The following FBXL7 variants were observed in gnomAD, a reference collection of about 807,000 sequenced individuals.
The protein encoded by FBXL7 is F-box/LRR-repeat protein 7.
In FBXL7, 12 loss-of-function variants were observed where a neutral mutation model predicts 38.3. That is an observed-to-expected ratio of 0.31 (90% CI 0.20 to 0.51). The LOEUF is 0.51. Among genes scored for constraint, FBXL7 ranks in the 20% least tolerant of loss-of-function variants. FBXL7 has a pLI of 0.98. For missense variants in FBXL7, 567 were observed against 676.4 expected, an observed-to-expected ratio of 0.84 and a Z score of 1.79; for synonymous variants, 297 against 300.9, an observed-to-expected ratio of 0.99 and a Z score of 0.13.
At chr5:15,567,240 TGAAG>T (rs1372892727) in intron 1 of FBXL7, among the ~76,000 whole-genome samples, 1 of 152,202 alleles carries the variant, frequency 6.6e-6, no homozygotes, top group African/African-American at 2.4e-5. Flanking sequence ...ATGTGTAAGA[TGAAG>T]GGAGTTATTT....
intron 2 of FBXL7, among the ~76,000 whole-genome samples, chr5:15,782,251 A>G (rs1737016424): frequency 6.6e-6 from 1 of 152,068 alleles, no homozygotes; most frequent in South Asian, 2.1e-4. Flanking sequence ...GGTTTTTTCC[A>G]AGTCTTTGCT....
At position 15,938,902 on chromosome 5, in the gene FBXL7, C is replaced by A; in HGVS notation, c.*1716C>A. 5.0e-6 allele frequency: 2 copies of A among 398,710 alleles called. No individual in the cohort carries two copies. The highest frequency in any genetic ancestry group is 8.8e-5 in the Admixed American group (2 of 22,730). The allele number at this position is 398,710 out of a possible 1,614,324, so 24.7% of individuals were successfully genotyped here. ...TTTCCCAGATTATTCTCTAGCCAAG[C>A]CCCACCTTTGTTACGTTGAAATCCC... On this transcript the variant is annotated 3_prime_UTR_variant, in exon 4 of 4. Coordinates refer to ENST00000504595, the MANE Select transcript of FBXL7 (RefSeq NM_012304.5).
intron 2 of FBXL7, among the ~76,000 whole-genome samples, chr5:15,658,738 C>T (rs1452261623): frequency 2.0e-5 from 3 of 152,032 alleles, no homozygotes; most frequent in Non-Finnish European, 4.4e-5. Context: ...GTAATCAGAA[C>T]GGAACAGAAC....
chr5:15,523,226 G>A (rs1737149793), intron 1 of FBXL7, among the ~76,000 whole-genome samples: 1 of 152,304 alleles, frequency 6.6e-6, no homozygotes, highest in East Asian at 1.9e-4. Context: ...GCTTTAACAA[G>A]AGACCATAGA....
chr5:15,807,715 A>C (rs1737750785), intron 2 of FBXL7, among the ~76,000 whole-genome samples: 1 of 150,462 alleles, frequency 6.6e-6, no homozygotes. Context: ...GGAAGTTATT[A>C]TACATTGAAC....
chr5:15,615,835 G>GC (rs1220102772), intron 1 of FBXL7, 148 bp from the exon 2 acceptor site: 2 of 511,600 alleles, frequency 3.9e-6, no homozygotes, highest in African/African-American at 3.9e-5. Flanking sequence ...AATGCATAAG[G>GC]CAAAAAAAAA....
chr5:15,629,292 A>G (rs1416294636), intron 2 of FBXL7, among the ~76,000 whole-genome samples: 2 of 152,042 alleles, frequency 1.3e-5, no homozygotes, highest in Admixed American at 6.6e-5. Flanking sequence ...ACGGAAATAT[A>G]CTTGAGACAC....
chr5:15,706,231 C>T (rs2126637698), intron 2 of FBXL7, among the ~76,000 whole-genome samples: 1 of 152,278 alleles, frequency 6.6e-6, no homozygotes, highest in Non-Finnish European at 1.5e-5. Flanking sequence ...TCCTTCATGG[C>T]TTGGTGTTGT....
intron 2 of FBXL7, among the ~76,000 whole-genome samples, chr5:15,736,207 TTC>T (rs1735744079): frequency 6.6e-6 from 1 of 152,220 alleles, no homozygotes; most frequent in Non-Finnish European, 1.5e-5. Flanking sequence ...CTCCAATTTA[TTC>T]TATTTATAAA....
intron 2 of FBXL7, among the ~76,000 whole-genome samples, chr5:15,916,233 C>T (rs146786165): frequency 1.2e-4 from 18 of 152,212 alleles, no homozygotes; most frequent in African/African-American, 4.3e-4. Flanking sequence ...GTGGCTAGTG[C>T]ACCTGAGGAC....
intron 1 of FBXL7, among the ~76,000 whole-genome samples, chr5:15,540,512 G>A (rs1362606528): frequency 6.6e-6 from 1 of 151,954 alleles, no homozygotes; most frequent in Non-Finnish European, 1.5e-5. Context: ...CTAAGCTTGG[G>A]GTAAAATTCT....
chr5:15,903,388 A>G (rs1277420779), intron 2 of FBXL7, among the ~76,000 whole-genome samples: 2 of 152,172 alleles, frequency 1.3e-5, no homozygotes, highest in Non-Finnish European at 2.9e-5. Flanking sequence ...CACCCTCTGC[A>G]TTGACATGGT....
intron 2 of FBXL7, among the ~76,000 whole-genome samples, chr5:15,616,914 A>G (rs1457627758): frequency 6.6e-6 from 1 of 152,220 alleles, no homozygotes; most frequent in Non-Finnish European, 1.5e-5. Context: ...AATTTTCATG[A>G]CATTGTGTAG....
At chr5:15,537,848 G>A (rs564010570) in intron 1 of FBXL7, among the ~76,000 whole-genome samples, 3 of 152,326 alleles carry the variant, frequency 2.0e-5, no homozygotes, top group East Asian at 3.9e-4. Context: ...GGTTTGACCA[G>A]CTCTTGTCAG....
At chr5:15,722,126 C>G (rs1046255957) in intron 2 of FBXL7, among the ~76,000 whole-genome samples, 1 of 152,222 alleles carries the variant, frequency 6.6e-6, no homozygotes, top group Non-Finnish European at 1.5e-5. Flanking sequence ...AGCCATCACG[C>G]CCGGCCAAGA....
chr5:15,615,170 G>A (rs1250254221), intron 1 of FBXL7, among the ~76,000 whole-genome samples: 1 of 152,134 alleles, frequency 6.6e-6, no homozygotes, highest in Non-Finnish European at 1.5e-5. Context: ...AGAATGTTTG[G>A]TAATATTAAT....
chr5:15,661,795 T>C (rs949072971), intron 2 of FBXL7, among the ~76,000 whole-genome samples: 6 of 152,188 alleles, frequency 3.9e-5, no homozygotes, highest in Admixed American at 2.6e-4. Flanking sequence ...GGATTTCTGT[T>C]CCTTCATTAG....
chr5:15,913,415 T>C (rs1741496067), intron 2 of FBXL7, among the ~76,000 whole-genome samples: 1 of 152,234 alleles, frequency 6.6e-6, no homozygotes, highest in South Asian at 2.1e-4. Context: ...GGATTCACTA[T>C]GCTATGAAAG....
chr5:15,505,084 A>T (rs1380108193), intron 1 of FBXL7, among the ~76,000 whole-genome samples: 1 of 152,208 alleles, frequency 6.6e-6, no homozygotes, highest in Admixed American at 6.5e-5. Flanking sequence ...AGATATGAGG[A>T]GAGCCATTTG....
Sources: allele counts gnomAD v4.1 joint callset (sites outside exome capture counted in the v4.1 genomes callset), GRCh38; gene constraint gnomAD v4.1.1; transcripts MANE v1.5; gene names NCBI Gene and HGNC (gene_info 2026-07-23, HGNC 2026-07-21).